CEBPZ: variants seen among roughly 807,000 people sequenced by gnomAD.
CEBPZ encodes the protein CCAAT enhancer binding protein zeta.
Under a neutral mutation model 104.5 loss-of-function variants are expected in CEBPZ, and 78 were observed. The ratio of observed to expected loss-of-function variants is 0.75; its 90% CI spans 0.62 to 0.90. The LOEUF is 0.90. Among genes scored for constraint, CEBPZ ranks in the 40% least tolerant of loss-of-function variants. The pLI, the probability that CEBPZ is intolerant of heterozygous loss-of-function variation, is 0.00. For missense variants in CEBPZ, 1,439 were observed against 1,233.5 expected (o/e 1.17, Z -2.50); for synonymous variants, 470 against 427.0 (o/e 1.10, Z -1.24).
rs1188170077 is a variant in CEBPZ, at chr2:37,202,975, G to T, written c.2918C>A (p.Ser973Tyr). The change falls in exon 14 of 16, where the codon TCC becomes TAC. Residue 973 changes from serine to tyrosine, a missense_variant. Coordinates refer to ENST00000234170, the MANE Select transcript of CEBPZ (RefSeq NM_005760.3). ...PRKKKRNLND[S>Y]SLFVSAEEFG... ...CTCTTCAGCAGATACAAATAGGCTG[G>T]AATCATTTAAGTTTCTTTTCTTTTT... 1 of 1,559,282 alleles carries T rather than the reference G, an allele frequency of 6.4e-7. No homozygotes were observed. Among genetic ancestry groups the T allele is most frequent in the East Asian group, 2.3e-5 (1 of 43,108 alleles).
At position 37,213,971 on chromosome 2, in the gene CEBPZ, T is replaced by A; in HGVS notation, c.2448-10A>T. On this transcript the variant is annotated splice_polypyrimidine_tract_variant and intron_variant, in intron 9 of 15. Transcript: ENST00000234170. ...AACTTTTTTATAATACCTATAATAT[T>A]CATGTTATATATTTGACAATTTTAT... is the stretch of plus-strand genomic sequence containing the variant. The A allele has an allele frequency of 7.2e-7, 1 of 1,393,120 alleles. No homozygotes were observed. The highest frequency in any genetic ancestry group is 9.7e-7 in the Non-Finnish European group (1 of 1,028,300). 86.3% of individuals were successfully genotyped at this position (1,393,120 alleles called of 1,614,324 possible).
At chr2:37,210,276 G>T (rs1677679277) in intron 13 of CEBPZ, 1 of 151,908 alleles carries the variant, frequency 6.6e-6, no homozygotes, top group Non-Finnish European at 1.5e-5. Flanking sequence ...CCACCACTGG[G>T]TACTACCCAG....
In CEBPZ at chr2:37,220,526, G is replaced by T. The variant is rs1485078965; in HGVS notation, c.2066-53C>A. On this transcript the variant is annotated intron_variant, in intron 4 of 15. Transcript: ENST00000234170. ...CTCAAATGCTTTCTTCCTAGCCCAA[G>T]AGGTCATTAAAAGCACCACCATTAA... The T allele has an allele frequency of 3.3e-5, 31 of 950,378 alleles. No individual in the cohort carries two copies. In the South Asian group the frequency reaches 5.0e-4, roughly 15 times the overall value. The allele number at this position is 950,378 out of a possible 1,614,324, so 58.9% of individuals were successfully genotyped here.
intron 1 of CEBPZ, among the ~76,000 whole-genome samples, chr2:37,230,414 C>T (rs567930660): frequency 6.6e-6 from 1 of 152,190 alleles, no homozygotes; most frequent in Admixed American, 6.5e-5. Flanking sequence ...AAAGTGGAAA[C>T]AATTTGACTT....
intron 13 of CEBPZ, among the ~76,000 whole-genome samples, chr2:37,206,423 T>A (rs1677541760): frequency 6.6e-6 from 1 of 152,244 alleles, no homozygotes; most frequent in South Asian, 2.1e-4. Flanking sequence ...AGTGGTGTGA[T>A]CTTGGCTCAC....
rs1438666955 is a variant in CEBPZ, at chr2:37,223,243, C to T, written c.1808G>A (p.Cys603Tyr). Residue 603 changes from cysteine (C) to tyrosine (Y), a missense_variant, in exon 3 of 16, where the codon TGT (cysteine) becomes TAT (tyrosine). Physicochemically the swap from Cys to Tyr is radical, Grantham distance 194. Coordinates refer to ENST00000234170, the MANE Select transcript of CEBPZ (RefSeq NM_005760.3). Reference protein sequence around the residue: ...VTCQQMPPFICGALYLVSEIL... With the variant: ...VTCQQMPPFIYGALYLVSEIL... ...CTCAGACACAAGATATAAAGCTCCA[C>T]ATATAAATGGTGGCATCTGTTGACA... 1.9e-6 allele frequency: 3 copies of T among 1,614,170 alleles called. No individual in the cohort carries two copies. Among genetic ancestry groups the T allele is most frequent in the Admixed American group, 3.3e-5 (2 of 60,026 alleles).
At chr2:37,213,822 T>TA (rs748773912) in intron 10 of CEBPZ, 42 bp downstream of exon 10, 7 of 1,322,084 alleles carry the variant, frequency 5.3e-6, no homozygotes, top group South Asian at 1.2e-5. Flanking sequence ...TATTAACACA[T>TA]AGTAGTAGAT....
chr2:37,217,083 C>G (rs769480565), intron 5 of CEBPZ, 46 bp from the exon 6 acceptor site: 2 of 1,487,948 alleles, frequency 1.3e-6, no homozygotes, highest in East Asian at 2.3e-5. Flanking sequence ...AAGGTCGACT[C>G]TTAGTACATT....
At chr2:37,215,277 A>G (rs1228432718) in intron 8 of CEBPZ, 3 of 185,960 alleles carry the variant, frequency 1.6e-5, no homozygotes, top group Non-Finnish European at 3.3e-5. Flanking sequence ...AAAAATTCAA[A>G]GAGTTATTTT....
chr2:37,212,446 A>AT (rs778208721), intron 10 of CEBPZ, 54 bp from the exon 11 acceptor site: 269 of 1,396,232 alleles, frequency 1.9e-4, no homozygotes, highest in Non-Finnish European at 2.7e-4. Flanking sequence ...AGCTTGACAT[A>AT]TATCTTGTAT....
At chr2:37,208,944 C>A (rs1677628264) in intron 13 of CEBPZ, 1 of 151,726 alleles carries the variant, frequency 6.6e-6, no homozygotes, top group African/African-American at 2.4e-5. Flanking sequence ...AGCAAAGTTT[C>A]AGGATACAAA....
chr2:37,210,083 T>C (rs1056283804), intron 13 of CEBPZ: 2 of 152,198 alleles, frequency 1.3e-5, no homozygotes, highest in African/African-American at 4.8e-5. Context: ...CAATACCACC[T>C]TACTCCTGCA....
In CEBPZ at chr2:37,228,595, C is replaced by A. The variant is rs540029654; in HGVS notation, c.598G>T (p.Asp200Tyr). 25 of 1,614,166 alleles carry A rather than the reference C, an allele frequency of 1.5e-5. No homozygotes were observed. In the East Asian group the frequency reaches 5.1e-4, roughly 33 times the overall value. Residue 200 changes from aspartate to tyrosine, a missense_variant, in exon 2 of 16, where the codon GAT becomes TAT. Asp to Tyr is a radical substitution (Grantham distance 160). Transcript: ENST00000234170. ...AGGGTTTTGTACTTAGATACAACATCCTGAGGCTGGGGTTTCAAAGAATAT... is the reference window on the plus strand; with the variant it reads ...AGGGTTTTGTACTTAGATACAACATACTGAGGCTGGGGTTTCAAAGAATAT... ...NEYSLKPQPQ[D>Y]VVSKYKTLAQ...
chr2:37,220,328 A>AT (rs1553351237), intron 5 of CEBPZ, 57 bp downstream of exon 5: 274 of 501,478 alleles, frequency 5.5e-4, no homozygotes, highest in African/African-American at 1.0e-3. Flanking sequence ...AAAAAAAAAA[A>AT]ATATATATAT....
At chr2:37,216,020 T>C (rs1370314035) in intron 8 of CEBPZ, 120 bp downstream of exon 8, 1 of 685,312 alleles carries the variant, frequency 1.5e-6, no homozygotes, top group Non-Finnish European at 2.3e-6. Context: ...GGAAAAAAGA[T>C]GGATAATGTC....
In CEBPZ at chr2:37,202,995, C is replaced by CT. The variant is rs1677352118; in HGVS notation, c.2897dup (p.Lys967GlufsTer6). 6.5e-7 allele frequency: 1 copy of CT among 1,549,792 alleles called. No homozygotes were observed. The highest frequency in any genetic ancestry group is 2.1e-5 in the Admixed American group (1 of 48,460). On this transcript the variant is annotated frameshift_variant, in exon 14 of 16. Transcript: ENST00000234170. LOFTEE classifies it high-confidence loss of function. ...GGCTGGAATCATTTAAGTTTCTTTTCTTTTTTCTTGGCCCTAAAAAAAATT... is the reference window on the plus strand; with the variant it reads ...GGCTGGAATCATTTAAGTTTCTTTTCTTTTTTTCTTGGCCCTAAAAAAAATT...
chr2:37,228,084 T>C lies in CEBPZ; in HGVS notation c.1109A>G (p.His370Arg), dbSNP rs756730859. The C allele has an allele frequency of 5.6e-6, 9 of 1,614,254 alleles. No individual in the cohort carries two copies. The South Asian group carries it at 8.8e-5, about 16-fold the overall frequency. ...CTCAGGCTTGTTACAAAGCAGCTCA[T>C]GAGCCACGGTAAGGGCTCGAGTTTT... Reference protein sequence around the residue: ...TTKTRALTVAHELLCNKPEEE... With the variant: ...TTKTRALTVARELLCNKPEEE... Residue 370 changes from histidine (H) to arginine (R), a missense_variant, in exon 2 of 16, where the codon CAT (histidine) becomes CGT (arginine). By Grantham distance (29) the His-to-Arg change is conservative. Transcript: ENST00000234170.
intron 13 of CEBPZ, among the ~76,000 whole-genome samples, chr2:37,207,320 G>A (rs1344936828): frequency 1.3e-5 from 2 of 152,070 alleles, no homozygotes; most frequent in South Asian, 2.1e-4. Context: ...GATACCTACG[G>A]AACATTCTAC....
chr2:37,227,903 G>A lies in CEBPZ; in HGVS notation c.1290C>T (p.Arg430=). ...VSGEVERLLF[R]SNISSKAQYY... ...ATTGAGCTTTGGAGCTGATATTTGA[G>A]CGGAAGAGTAGCCTTTCTACTTCAC... is the stretch of plus-strand genomic sequence containing the variant. The change falls in exon 2 of 16, where the codon CGC becomes CGT. Residue 430 remains arginine (R), a synonymous_variant. Coordinates refer to ENST00000234170, the MANE Select transcript of CEBPZ (RefSeq NM_005760.3). The A allele has an allele frequency of 3.1e-6, 5 of 1,614,190 alleles. No individual in the cohort carries two copies. Among genetic ancestry groups the A allele is most frequent in the Non-Finnish European group, 4.2e-6 (5 of 1,180,038 alleles).
Sources: allele counts gnomAD v4.1 joint callset (sites outside exome capture counted in the v4.1 genomes callset), GRCh38; gene constraint gnomAD v4.1.1; transcripts MANE v1.5; gene names NCBI Gene and HGNC (gene_info 2026-07-23, HGNC 2026-07-21).